Variants in OTX1 observed in about 807,000 individuals in gnomAD.
OTX1 encodes homeobox protein OTX1.
In OTX1, 7 loss-of-function variants were observed where a neutral mutation model predicts 26.7. That is an observed-to-expected ratio of 0.26 (90% CI 0.15 to 0.49). The LOEUF (loss-of-function observed/expected upper bound fraction) is 0.49, where lower values mean the gene tolerates loss of function less well. Among genes scored for constraint, OTX1 ranks in the 20% least tolerant of loss-of-function variants. OTX1 has a pLI of 0.98. For missense variants in OTX1, 414 were observed against 483.8 expected (o/e 0.86, Z 1.35); for synonymous variants, 216 against 212.8 (o/e 1.01, Z -0.13).
In OTX1 at chr2:63,056,601, T is replaced by A. The variant is rs1214769616; in HGVS notation, c.*285T>A. ...ATTATTTCCCCCCTTCAGCCCCTAC[T>A]AAACTCTTAAGCCTCCCCTTCCAGT... is the stretch of plus-strand genomic sequence containing the variant. On this transcript the variant is annotated 3_prime_UTR_variant, in exon 5 of 5. Coordinates refer to ENST00000282549, the MANE Select transcript of OTX1 (RefSeq NM_014562.4). 2.1e-6 allele frequency: 1 copy of A among 477,050 alleles called. No homozygotes were observed. Among genetic ancestry groups the A allele is most frequent in the Non-Finnish European group, 3.8e-6 (1 of 263,646 alleles). 29.6% of individuals were successfully genotyped at this position (477,050 alleles called of 1,614,324 possible). A position where few individuals can be genotyped will look rare whatever the true frequency, so the allele number is the denominator to read the frequency against.
chr2:63,051,938 C>T (rs2062029796), intron 2 of OTX1: 1 of 152,402 alleles, frequency 6.6e-6, no homozygotes, highest in South Asian at 2.1e-4. Context: ...TGGGCTACGC[C>T]GCTGAGGCCT....
chr2:63,054,923 G>T (rs1253589285), intron 4 of OTX1, among the ~76,000 whole-genome samples: 3 of 152,102 alleles, frequency 2.0e-5, no homozygotes, highest in African/African-American at 7.2e-5. Flanking sequence ...TCCCACCCAG[G>T]CTTCCTTCCC....
intron 4 of OTX1, among the ~76,000 whole-genome samples, chr2:63,054,436 CG>C: frequency 6.6e-6 from 1 of 152,350 alleles, no homozygotes; most frequent in East Asian, 1.9e-4. Context: ...CCTTCGGTGT[CG>C]GTATCGAAAG....
intron 3 of OTX1, among the ~76,000 whole-genome samples, chr2:63,053,717 T>C (rs1284222652): frequency 6.6e-6 from 1 of 151,946 alleles, no homozygotes; most frequent in Non-Finnish European, 1.5e-5. Flanking sequence ...AGTGTGTGTG[T>C]GCGTGTGTGT....
Position 63,055,373 on chromosome 2 carries a change from G to T in OTX1, c.250-128G>T. 5 of 996,958 alleles carry T rather than the reference G, an allele frequency of 5.0e-6. No homozygotes were observed. Among genetic ancestry groups the T allele is most frequent in the Non-Finnish European group, 7.3e-6 (5 of 688,196 alleles). The allele number at this position is 996,958 out of a possible 1,614,324, so 61.8% of individuals were successfully genotyped here. ...CAGGGTCTGGCCAGGCCAGAGACAG[G>T]AAGGGGCGGAGGCCTCGGTGAGAAA... is the stretch of plus-strand genomic sequence containing the variant. On this transcript the variant is annotated intron_variant, in intron 4 of 4. Transcript: ENST00000282549. The surrounding 1 kb of genome is among the most constrained non-coding windows in gnomAD (Gnocchi z 5.2).
rs771056313 is a variant in OTX1, at chr2:63,055,922, C to G, written c.671C>G (p.Ser224Cys). ...AATAAASYPM[S>C]YGQGGSYGQG... ...ACCGCAGCAGCCTCTTATCCCATGT[C>G]CTACGGCCAGGGCGGCAGCTACGGC... The change falls in exon 5 of 5, where the codon TCC becomes TGC. Residue 224 changes from serine to cysteine, a missense_variant. Coordinates refer to ENST00000282549, the MANE Select transcript of OTX1 (RefSeq NM_014562.4). The surrounding 1 kb of genome is among the most constrained non-coding windows in gnomAD (Gnocchi z 5.2). The G allele has an allele frequency of 1.9e-6, 3 of 1,612,842 alleles. No homozygotes were observed. The highest frequency in any genetic ancestry group is 2.5e-6 in the Non-Finnish European group (3 of 1,180,032).
At chr2:63,053,411 CT>C in intron 3 of OTX1, 5 of 306,172 alleles carry the variant, frequency 1.6e-5, no homozygotes, top group Non-Finnish European at 3.0e-5. Context: ...AGTATTTTTC[CT>C]TTTTCCCCAA....
At chr2:63,053,265 C>T (rs2062038914) in intron 3 of OTX1, 178 bp downstream of exon 3, 1 of 493,186 alleles carries the variant, frequency 2.0e-6, no homozygotes, top group Non-Finnish European at 3.5e-6. Context: ...GAGTCGTGGG[C>T]GTGTGAGGTG....
At chr2:63,050,690 G>A (rs1330854733), upstream of OTX1, 2 of 151,480 alleles carry the variant, frequency 1.3e-5, no homozygotes, top group Non-Finnish European at 3.0e-5. Flanking sequence ...GAGGGCGGGG[G>A]CGCGCGGAGG....
intron 2 of OTX1, 85 bp from the exon 3 acceptor site, chr2:63,052,795 C>T (rs2062035084): frequency 9.0e-6 from 5 of 555,796 alleles, no homozygotes. Flanking sequence ...AGTTCTGTAA[C>T]CTGCCTTCCC....
rs1238296357 is a variant in OTX1, at chr2:63,056,241, C to T, written c.990C>T (p.Ala330=). ...CTGGCGCCGCTGCTGCTTCCTCCGC[C>T]TGGAAACTCAACTTCAACTCCCCCG... The part of the protein sequence containing the change: ...KEPGAAAASS[A]WKLNFNSPDC... The change falls in exon 5 of 5, where the codon GCC becomes GCT. Residue 330 remains alanine (A), a synonymous_variant. Transcript: ENST00000282549. 1 of 1,614,012 alleles carries T rather than the reference C, an allele frequency of 6.2e-7. No homozygotes were observed. Among genetic ancestry groups the T allele is most frequent in the Admixed American group, 1.7e-5 (1 of 59,994 alleles).
At chr2:63,053,914 A>T in intron 3 of OTX1, 133 bp from the exon 4 acceptor site, 1 of 1,032,754 alleles carries the variant, frequency 9.7e-7, no homozygotes, top group Non-Finnish European at 1.4e-6. Context: ...CGCCCGAGGG[A>T]GTTTCTTTTA....
At chr2:63,051,198 G>A (rs1023214225) in intron 1 of OTX1, 51 bp from the exon 2 acceptor site, 1 of 152,510 alleles carries the variant, frequency 6.6e-6, no homozygotes, top group African/African-American at 2.4e-5. Flanking sequence ...AAGAAACCTG[G>A]GGGTCCTAGA....
Position 63,056,437 on chromosome 2 carries a change from C to G in OTX1, c.*121C>G. 1.1e-6 allele frequency: 1 copy of G among 923,826 alleles called. No individual in the cohort carries two copies. Among genetic ancestry groups the G allele is most frequent in the Non-Finnish European group, 1.6e-6 (1 of 621,390 alleles). 57.2% of individuals were successfully genotyped at this position (923,826 alleles called of 1,614,324 possible). On this transcript the variant is annotated 3_prime_UTR_variant, in exon 5 of 5. Coordinates refer to ENST00000282549, the MANE Select transcript of OTX1 (RefSeq NM_014562.4). Reference sequence around the variant, plus strand: ...TTCTCCAAAACTGAATTTTCACCCCCCAAAAAGATGTCCATTGCCTGCACT... The same window carrying G: ...TTCTCCAAAACTGAATTTTCACCCCGCAAAAAGATGTCCATTGCCTGCACT...
rs1039128069 is a variant in OTX1, at chr2:63,056,437, C to A, written c.*121C>A. 4.3e-6 allele frequency: 4 copies of A among 923,826 alleles called. No individual in the cohort carries two copies. The East Asian group carries it at 1.0e-4, about 24-fold the overall frequency. 57.2% of individuals were successfully genotyped at this position (923,826 alleles called of 1,614,324 possible). ...TTCTCCAAAACTGAATTTTCACCCC[C>A]CAAAAAGATGTCCATTGCCTGCACT... On this transcript the variant is annotated 3_prime_UTR_variant, in exon 5 of 5. Coordinates refer to ENST00000282549, the MANE Select transcript of OTX1 (RefSeq NM_014562.4).
chr2:63,053,043 C>A lies in OTX1; in HGVS notation c.53C>A (p.Ala18Asp), dbSNP rs750180963. Reference protein sequence around the residue: ...PPYGMNGLGLAGPAMDLLHPS... With the variant: ...PPYGMNGLGLDGPAMDLLHPS... ...TACGGCATGAACGGGCTGGGCCTGGCCGGGCCCGCCATGGACCTCCTGCAC... is the reference window on the plus strand; with the variant it reads ...TACGGCATGAACGGGCTGGGCCTGGACGGGCCCGCCATGGACCTCCTGCAC... The change falls in exon 3 of 5, where the codon GCC becomes GAC. Residue 18 changes from alanine to aspartate, a missense_variant. Ala to Asp is a moderately radical substitution (Grantham distance 126, BLOSUM62 -2). This residue lies in a region of OTX1 where 48 missense variants were observed against 41.6 expected (regional missense o/e 1.15). Transcript: ENST00000282549. 1.9e-6 allele frequency: 3 copies of A among 1,604,908 alleles called. No individual in the cohort carries two copies. The highest frequency in any genetic ancestry group is 1.7e-5 in the Admixed American group (1 of 59,404).
intron 4 of OTX1, among the ~76,000 whole-genome samples, chr2:63,054,664 C>G (rs569619024): frequency 2.0e-5 from 3 of 152,258 alleles, no homozygotes; most frequent in South Asian, 4.2e-4. Context: ...TCTCATTAGA[C>G]GCTTCCTCTG....
At chr2:63,053,135 G>A (rs2062038019) in intron 3 of OTX1, 48 bp downstream of exon 3, 1 of 1,277,546 alleles carries the variant, frequency 7.8e-7, no homozygotes, top group South Asian at 1.4e-5. Context: ...AAATGTTGGG[G>A]ACCCCCAGAC....
rs766585654 is a variant in OTX1 at position 63,055,980 on chromosome 2, T to C, written c.729T>C (p.Phe243=). 3.1e-6 allele frequency: 5 copies of C among 1,613,778 alleles called. No individual in the cohort carries two copies. In the South Asian group the frequency reaches 4.4e-5, roughly 14 times the overall value. Residue 243 remains phenylalanine (F), a synonymous_variant, in exon 5 of 5, where the codon TTT becomes TTC. Coordinates refer to ENST00000282549, the MANE Select transcript of OTX1 (RefSeq NM_014562.4). This position sits in a 1 kb window ranked among gnomAD's most constrained non-coding sequence, Gnocchi z 5.2. ...ACCCTACGCCCTCCTCTTCCTACTT[T>C]GGCGGCGTGGACTGCAGCTCATACC... ...QGYPTPSSSY[F]GGVDCSSYLA... is the part of the protein sequence containing the mutation.
Sources: allele counts gnomAD v4.1 joint callset (sites outside exome capture counted in the v4.1 genomes callset), GRCh38; gene constraint gnomAD v4.1.1; regional missense constraint gnomAD v4.1.1; non-coding constraint Gnocchi (gnomAD v3.1); transcripts MANE v1.5; gene names NCBI Gene and HGNC (gene_info 2026-07-23, HGNC 2026-07-21).